Variants in CSMD1 observed in about 807,000 individuals in gnomAD.
CSMD1 encodes the protein CUB and sushi domain-containing protein 1.
A neutral mutation model predicts 417.5 loss-of-function variants in CSMD1; 213 were observed. The observed-to-expected ratio is 0.51, with a 90% CI of 0.46 to 0.57. CSMD1 has a LOEUF of 0.57. CSMD1 is among the 20% of genes least tolerant of loss of function. CSMD1 has a pLI of 0.00. For missense variants in CSMD1, 6,923 were observed against 4,529.7 expected, an observed-to-expected ratio of 1.53 and a Z score of -15.17; for synonymous variants, 2,862 against 1,736.8, an observed-to-expected ratio of 1.65 and a Z score of -16.11.
chr8:4,717,070 T>A (rs1030451631), intron 1 of CSMD1, among the ~76,000 whole-genome samples: 1 of 151,948 alleles, frequency 6.6e-6, no homozygotes, highest in African/African-American at 2.4e-5. Flanking sequence ...GAAAAATAAG[T>A]CCTACCTTCT....
intron 6 of CSMD1, among the ~76,000 whole-genome samples, chr8:3,714,848 C>A (rs913779975): frequency 1.3e-5 from 2 of 152,084 alleles, no homozygotes; most frequent in African/African-American, 4.8e-5. Context: ...CTTGAATTAT[C>A]TCAGAGCTTT....
chr8:4,561,645 G>A (rs1450824825), intron 2 of CSMD1, among the ~76,000 whole-genome samples: 6 of 152,268 alleles, frequency 3.9e-5, no homozygotes, highest in Non-Finnish European at 8.8e-5. Flanking sequence ...ATGAGCTACT[G>A]CAATCCAGCC....
chr8:4,216,255 T>A (rs953119194), intron 3 of CSMD1, among the ~76,000 whole-genome samples: 9 of 152,146 alleles, frequency 5.9e-5, no homozygotes, highest in African/African-American at 2.2e-4. Flanking sequence ...CCTGGAATCC[T>A]TTCACTCTAC....
At position 3,142,536 on chromosome 8, in the gene CSMD1, G is replaced by C. The variant is rs775407052; in HGVS notation, c.6170C>G (p.Thr2057Arg). Residue 2057 changes from threonine to arginine, a missense_variant, in exon 41 of 70, where the codon ACG (threonine) becomes AGG (arginine). Transcript: ENST00000635120. ...TDLPAALLSTTHETLIHFYSD... is the reference protein window; with the variant it reads ...TDLPAALLSTRHETLIHFYSD... ...ATAAAAGTGGATGAGGGTTTCATGC[G>C]TTGTGCTCAGCAGGGCCGCGGGGAG... is the stretch of plus-strand genomic sequence containing the variant. 6.2e-7 allele frequency: 1 copy of C among 1,613,850 alleles called. No homozygotes were observed. Among genetic ancestry groups the C allele is most frequent in the African/African-American group, 1.3e-5 (1 of 74,908 alleles).
At chr8:3,830,735 A>G (rs1445051508) in intron 5 of CSMD1, among the ~76,000 whole-genome samples, 1 of 152,208 alleles carries the variant, frequency 6.6e-6, no homozygotes, top group Non-Finnish European at 1.5e-5. Flanking sequence ...GTTTATTAAA[A>G]TATAATAATT....
chr8:2,956,503 G>T (rs1432457390), intron 63 of CSMD1, among the ~76,000 whole-genome samples: 1 of 151,676 alleles, frequency 6.6e-6, no homozygotes, highest in East Asian at 1.9e-4. Flanking sequence ...GCCCAGGCTG[G>T]AATGCAGTGG....
intron 4 of CSMD1, among the ~76,000 whole-genome samples, chr8:4,007,485 C>G (rs1296296452): frequency 6.6e-6 from 1 of 152,138 alleles, no homozygotes; most frequent in Non-Finnish European, 1.5e-5. Context: ...AAGGCACTTT[C>G]CTGCCCGCCC....
chr8:4,074,387 T>C (rs1354203643), intron 3 of CSMD1, among the ~76,000 whole-genome samples: 1 of 152,150 alleles, frequency 6.6e-6, no homozygotes, highest in Non-Finnish European at 1.5e-5. Flanking sequence ...GTATTTTCAA[T>C]GTCTATCTCA....
chr8:4,437,991 A>T, intron 2 of CSMD1, among the ~76,000 whole-genome samples: 3 of 152,240 alleles, frequency 2.0e-5, no homozygotes, highest in Admixed American at 2.0e-4. Context: ...GAAACCCAAT[A>T]AAGTGGTCTG....
chr8:4,280,790 G>C (rs889618934), intron 3 of CSMD1, among the ~76,000 whole-genome samples: 1 of 151,968 alleles, frequency 6.6e-6, no homozygotes, highest in African/African-American at 2.4e-5. Context: ...AATATTATTT[G>C]AACGTATGTT....
At chr8:3,964,438 C>T (rs1812539305) in intron 5 of CSMD1, among the ~76,000 whole-genome samples, 1 of 152,074 alleles carries the variant, frequency 6.6e-6, no homozygotes, top group African/African-American at 2.4e-5. Flanking sequence ...CTTAATCAGC[C>T]AGTGGAAGGA....
intron 3 of CSMD1, among the ~76,000 whole-genome samples, chr8:4,182,743 T>C (rs1055092457): frequency 2.0e-5 from 3 of 151,502 alleles, no homozygotes; most frequent in Admixed American, 2.0e-4. Context: ...TAATGGAACA[T>C]CATTTTTTTT....
chr8:3,441,286 C>A (rs28525140), intron 12 of CSMD1, among the ~76,000 whole-genome samples: 22,746 of 151,870 alleles, frequency 0.15, 2,031 homozygotes, highest in African/African-American at 0.24. Context: ...GTATTGTTTT[C>A]AAACAGTACA....
At chr8:3,531,654 A>T (rs1308910141) in intron 10 of CSMD1, among the ~76,000 whole-genome samples, 1 of 152,176 alleles carries the variant, frequency 6.6e-6, no homozygotes, top group Non-Finnish European at 1.5e-5. Context: ...CAGGAAGTAG[A>T]ACAAAAACTA....
intron 2 of CSMD1, among the ~76,000 whole-genome samples, chr8:4,429,493 A>T (rs1797750683): frequency 6.6e-6 from 1 of 152,106 alleles, no homozygotes; most frequent in African/African-American, 2.4e-5. Context: ...TGGGAAACAG[A>T]TTAGCTTATA....
At chr8:3,870,751 C>A (rs1805426833) in intron 5 of CSMD1, among the ~76,000 whole-genome samples, 1 of 151,966 alleles carries the variant, frequency 6.6e-6, no homozygotes, top group Non-Finnish European at 1.5e-5. Context: ...CCATTTTTAA[C>A]CATAAATAAA....
intron 37 of CSMD1, among the ~76,000 whole-genome samples, chr8:3,167,059 G>A (rs1019602924): frequency 1.3e-5 from 2 of 152,160 alleles, no homozygotes; most frequent in South Asian, 4.1e-4. Flanking sequence ...GGCCAAGGCA[G>A]GTGGATCACA....
chr8:3,942,295 C>G lies in CSMD1; in HGVS notation c.818+55608G>C, dbSNP rs59014777. ...TAATGCGCTTGAATCATCCTGAAAC[C>G]AATCCCTCCTCTTCCAGTGGAAAAA... On this transcript the variant is annotated intron_variant, in intron 5 of 69. Coordinates refer to ENST00000635120, the MANE Select transcript of CSMD1 (RefSeq NM_033225.6). Among the ~76,000 whole-genome samples, 736 of 152,154 alleles carry G rather than the reference C, an allele frequency of 4.8e-3. 11 individuals carry two copies. The highest frequency in any genetic ancestry group is 0.017 in the Middle Eastern group (5 of 294).
At chr8:4,840,587 G>T (rs1272448815) in intron 1 of CSMD1, among the ~76,000 whole-genome samples, 2 of 152,140 alleles carry the variant, frequency 1.3e-5, no homozygotes, top group Non-Finnish European at 1.5e-5. Context: ...TAAAACAAAT[G>T]TAAGAAAATA....
Sources: allele counts gnomAD v4.1 joint callset (sites outside exome capture counted in the v4.1 genomes callset), GRCh38; gene constraint gnomAD v4.1.1; transcripts MANE v1.5; gene names NCBI Gene and HGNC (gene_info 2026-07-23, HGNC 2026-07-21).